Variants in CFAP299 observed in about 807,000 individuals in gnomAD.
CFAP299 encodes the protein cilia- and flagella-associated protein 299.
CFAP299 carries 21 observed loss-of-function variants against 27.0 expected under a neutral mutation model. The ratio of observed to expected loss-of-function variants is 0.78; its 90% confidence interval spans 0.55 to 1.12. CFAP299 has a LOEUF of 1.12. Ranked by LOEUF, CFAP299 falls within the 50% of genes most tolerant of loss-of-function variation. The probability of loss-of-function intolerance (pLI) is 0.00; values close to 1 mark genes in which losing one functional copy is unlikely to be tolerated. For missense variants in CFAP299, 310 were observed against 276.6 expected, an observed-to-expected ratio of 1.12 and a Z score of -0.86; for synonymous variants, 104 against 98.1, an observed-to-expected ratio of 1.06 and a Z score of -0.36.
intron 2 of CFAP299, among the ~76,000 whole-genome samples, chr4:80,460,823 T>C (rs1729401000): frequency 6.6e-6 from 1 of 152,138 alleles, no homozygotes; most frequent in Non-Finnish European, 1.5e-5. Flanking sequence ...AAGAAAAAAG[T>C]CAAACTCTGT....
chr4:80,922,820 A>G (rs1189809584), intron 4 of CFAP299, among the ~76,000 whole-genome samples: 1 of 149,866 alleles, frequency 6.7e-6, no homozygotes, highest in Non-Finnish European at 1.5e-5. Flanking sequence ...TAAATGTTAA[A>G]ATGTTATAAA....
At chr4:80,754,182 A>G (rs1725097988) in intron 3 of CFAP299, among the ~76,000 whole-genome samples, 1 of 152,056 alleles carries the variant, frequency 6.6e-6, no homozygotes, top group South Asian at 2.1e-4. Flanking sequence ...ATTGGTGTGA[A>G]GAGTTATTAT....
chr4:80,461,428 C>A (rs1560577727), intron 2 of CFAP299, among the ~76,000 whole-genome samples: 1 of 151,958 alleles, frequency 6.6e-6, no homozygotes, highest in Non-Finnish European at 1.5e-5. Flanking sequence ...ATATTTTGGG[C>A]AAAATATATT....
intron 4 of CFAP299, among the ~76,000 whole-genome samples, chr4:80,902,370 G>C (rs4992616): frequency 1.4e-5 from 2 of 143,040 alleles, no homozygotes; most frequent in African/African-American, 5.1e-5. Flanking sequence ...ATAAAATATA[G>C]ATTATATATT....
rs1560571680 is a variant in CFAP299 at position 80,447,141 on chromosome 4, T to TTTG, written c.242+84259_242+84260insGTT. 8.1e-4 allele frequency among the ~76,000 whole-genome samples: 102 copies of TTTG among 126,466 alleles called. 1 individual carries two copies. The highest frequency in any genetic ancestry group is 3.2e-3 in the African/African-American group (98 of 30,420). The allele number at this position is 126,466 out of a possible 152,430, so 83.0% of individuals were successfully genotyped here. A position where few individuals can be genotyped will look rare whatever the true frequency, so the allele number is the denominator to read the frequency against. On this transcript the variant is annotated intron_variant, in intron 2 of 5. Coordinates refer to ENST00000358105, the MANE Select transcript of CFAP299 (RefSeq NM_152770.3). ...TTTGTTTTTTTTTTGTTTTTTTTTT[T>TTTG]TTTTTTTTTTTTGAGACGGAGTCTC...
chr4:80,771,150 C>T (rs1388774883), intron 3 of CFAP299, among the ~76,000 whole-genome samples: 37 of 152,098 alleles, frequency 2.4e-4, no homozygotes, highest in Admixed American at 2.4e-3. Flanking sequence ...AGTAGCACAG[C>T]CACAATCCAA....
upstream of CFAP299, among the ~76,000 whole-genome samples, chr4:80,332,104 G>A (rs1384715758): frequency 1.3e-5 from 2 of 152,208 alleles, no homozygotes; most frequent in Non-Finnish European, 2.9e-5. Context: ...GTCAAATGCT[G>A]CTAAATGTCA....
chr4:80,832,409 C>G (rs951960127), intron 3 of CFAP299, among the ~76,000 whole-genome samples: 1 of 151,818 alleles, frequency 6.6e-6, no homozygotes, highest in African/African-American at 2.4e-5. Context: ...ACTAAAATGA[C>G]CTAAAAGTAT....
At position 80,549,172 on chromosome 4, in the gene CFAP299, A is replaced by AACAC. The variant is rs145823973; in HGVS notation, c.243-33907_243-33904dup. The stretch of plus-strand genomic sequence containing the variant: ...ATTAAAATGGTTTAATCAAGAAAGT[A>AACAC]ACACACACACACACACAATTTTTAA... On this transcript the variant is annotated intron_variant, in intron 2 of 5. Transcript: ENST00000358105. Among the ~76,000 whole-genome samples, 6 of 151,256 alleles carry AACAC rather than the reference A, an allele frequency of 4.0e-5. No individual in the cohort carries two copies. In the South Asian group the frequency reaches 1.3e-3, roughly 32 times the overall value.
At chr4:80,341,499 C>A (rs552066585) in intron 1 of CFAP299, among the ~76,000 whole-genome samples, 1 of 152,160 alleles carries the variant, frequency 6.6e-6, no homozygotes, top group Non-Finnish European at 1.5e-5. Context: ...GCCATCTTTG[C>A]TGTTTCACAG....
chr4:80,893,251 G>T (rs1255518959), intron 4 of CFAP299, among the ~76,000 whole-genome samples: 1 of 150,936 alleles, frequency 6.6e-6, no homozygotes. Context: ...GCAGATGAAG[G>T]CATCCCATGT....
intron 2 of CFAP299, among the ~76,000 whole-genome samples, chr4:80,524,153 G>A (rs17004924): frequency 0.39 from 58,777 of 151,850 alleles, 14,835 homozygotes; most frequent in African/African-American, 0.72. Flanking sequence ...CTTTCTTTCA[G>A]CCTCATCTGT....
intron 1 of CFAP299, among the ~76,000 whole-genome samples, chr4:80,343,682 G>A (rs928702308): frequency 4.6e-5 from 7 of 151,816 alleles, no homozygotes; most frequent in Non-Finnish European, 7.4e-5. Flanking sequence ...CCAGCTACTC[G>A]GGAGGCTGAG....
chr4:80,390,589 A>G (rs1363773871), intron 2 of CFAP299, among the ~76,000 whole-genome samples: 1 of 99,028 alleles, frequency 1.0e-5, no homozygotes, highest in Non-Finnish European at 2.3e-5. Context: ...ATATATGTAT[A>G]TATGTATATA....
chr4:80,558,358 G>GTTTTTTTTTTTT (rs1174909337), intron 2 of CFAP299, among the ~76,000 whole-genome samples: 10 of 121,680 alleles, frequency 8.2e-5, no homozygotes, highest in African/African-American at 2.7e-4. Context: ...TTGTTTGTTT[G>GTTTTTTTTTTTT]TTTGTTTGTT....
intron 3 of CFAP299, among the ~76,000 whole-genome samples, chr4:80,703,961 A>G (rs1721667796): frequency 6.6e-6 from 1 of 151,772 alleles, no homozygotes; most frequent in Non-Finnish European, 1.5e-5. Flanking sequence ...GAGGAAGATG[A>G]GATGACATTG....
At chr4:80,728,644 A>G (rs553763059) in intron 3 of CFAP299, among the ~76,000 whole-genome samples, 18 of 152,160 alleles carry the variant, frequency 1.2e-4, no homozygotes, top group Non-Finnish European at 2.4e-4. Flanking sequence ...CAATCACCAT[A>G]TCCCATGCAT....
At chr4:80,903,292 A>G (rs1373831835) in intron 4 of CFAP299, among the ~76,000 whole-genome samples, 1 of 152,092 alleles carries the variant, frequency 6.6e-6, no homozygotes, top group Non-Finnish European at 1.5e-5. Context: ...TGTTGGCTCA[A>G]AAAGAGCCTA....
chr4:80,849,804 T>TCTGAA (rs1731408931), intron 3 of CFAP299, among the ~76,000 whole-genome samples: 1 of 152,256 alleles, frequency 6.6e-6, no homozygotes, highest in Non-Finnish European at 1.5e-5. Context: ...GAAGTTCTAT[T>TCTGAA]GCACAGTAGG....
Sources: gnomAD v4.1 joint callset for allele counts (sites outside exome capture counted in the v4.1 genomes callset) on GRCh38, gnomAD v4.1.1 for gene constraint, MANE v1.5 for transcripts, NCBI Gene and HGNC (gene_info 2026-07-23, HGNC 2026-07-21) for gene names.